Variants in DGLUCY observed in about 807,000 individuals in gnomAD.
The protein encoded by DGLUCY is D-glutamate cyclase, also known as D-glutamate cyclase, mitochondrial.
A neutral mutation model predicts 58.5 loss-of-function variants in DGLUCY; 58 were observed. The ratio of observed to expected loss-of-function variants is 0.99; its 90% CI spans 0.80 to 1.23. The LOEUF is 1.23. Among genes scored for constraint, DGLUCY ranks in the 50% most tolerant of loss-of-function variants. DGLUCY has a pLI of 0.00. For missense variants in DGLUCY, 779 were observed against 784.7 expected (o/e 0.99, Z 0.09); for synonymous variants, 325 against 314.1 (o/e 1.03, Z -0.37).
chr14:91,181,798 C>T (rs1232447240), intron 8 of DGLUCY, among the ~76,000 whole-genome samples: 6 of 151,520 alleles, frequency 4.0e-5, no homozygotes, highest in South Asian at 2.1e-4. Context: ...AGGCACGCTC[C>T]ACCACACCTG....
chr14:91,111,551 G>T (rs2044701868), upstream of DGLUCY, among the ~76,000 whole-genome samples: 1 of 152,128 alleles, frequency 6.6e-6, no homozygotes. Flanking sequence ...AAAGTACTGG[G>T]ATTACAGGCA....
At chr14:91,198,496 G>A (rs144722535) in intron 10 of DGLUCY, among the ~76,000 whole-genome samples, 71 of 151,546 alleles carry the variant, frequency 4.7e-4, no homozygotes, top group African/African-American at 1.6e-3. Context: ...ACAGGCACTC[G>A]CCACCACACC....
At chr14:91,223,569 C>T in intron 13 of DGLUCY, 1 of 851,944 alleles carries the variant, frequency 1.2e-6, no homozygotes, top group Non-Finnish European at 1.6e-6. Context: ...GAGCTGTTCA[C>T]TAGGGACAGA....
chr14:91,178,046 C>A (rs1161964423), intron 7 of DGLUCY, among the ~76,000 whole-genome samples: 1 of 152,260 alleles, frequency 6.6e-6, no homozygotes, highest in Non-Finnish European at 1.5e-5. Context: ...GAGGAGATCT[C>A]ACTGCTGTGG....
intron 5 of DGLUCY, among the ~76,000 whole-genome samples, chr14:91,171,926 G>GC (rs1385944881): frequency 1.3e-5 from 2 of 152,138 alleles, no homozygotes; most frequent in African/African-American, 4.8e-5. Flanking sequence ...GCCTCCCTCT[G>GC]CCCGTGATTC....
Position 91,196,479 on chromosome 14 carries a change from G to C in DGLUCY, c.1295+5G>C. ...TGGGGACCCGCAGACACCTAGGTAC[G>C]TATGTCGCATCCCAGTTTAAGTGGC... is the stretch of plus-strand genomic sequence containing the variant. On this transcript the variant is annotated splice_donor_5th_base_variant and intron_variant, in intron 10 of 13. Coordinates refer to ENST00000256324, the MANE Select transcript of DGLUCY (RefSeq NM_001102368.3). 1 of 1,611,860 alleles carries C rather than the reference G, an allele frequency of 6.2e-7. No homozygotes were observed.
intron 1 of DGLUCY, among the ~76,000 whole-genome samples, chr14:91,116,552 G>T (rs767197529): frequency 6.6e-6 from 1 of 152,106 alleles, no homozygotes; most frequent in Non-Finnish European, 1.5e-5. Flanking sequence ...ACCAGAAAGG[G>T]GCCTCAAACC....
chr14:91,178,098 C>A (rs1276230976), intron 7 of DGLUCY, among the ~76,000 whole-genome samples: 1 of 152,104 alleles, frequency 6.6e-6, no homozygotes, highest in Non-Finnish European at 1.5e-5. Context: ...GTTCTGACAG[C>A]GATAGCACAA....
At chr14:91,134,521 T>C (rs2046214689) in intron 1 of DGLUCY, among the ~76,000 whole-genome samples, 1 of 152,072 alleles carries the variant, frequency 6.6e-6, no homozygotes, top group Non-Finnish European at 1.5e-5. Flanking sequence ...CACTGCAACC[T>C]TGGCTTCCCA....
At chr14:91,181,481 G>T in intron 8 of DGLUCY, 92 bp downstream of exon 8, 1 of 1,271,922 alleles carries the variant, frequency 7.9e-7, no homozygotes, top group Non-Finnish European at 1.1e-6. Flanking sequence ...AAAAAGGTGG[G>T]ATGCAAAATG....
At position 91,072,051 on chromosome 14, in the gene DGLUCY, T is replaced by TG. The variant is rs1376586128; in HGVS notation, c.-82+11351dup. Among the ~76,000 whole-genome samples the TG allele has an allele frequency of 4.0e-5, 6 of 151,012 alleles. No individual in the cohort carries two copies. In the East Asian group the frequency reaches 1.2e-3, roughly 30 times the overall value. On this transcript the variant is annotated intron_variant, in intron 1 of 4. Coordinates refer to the DGLUCY transcript ENST00000521334. ...TAAAAAATGAACTCCAGCCAGGCGT[T>TG]GGGGCTCATGCCTACAATCCCAGCA... is the stretch of plus-strand genomic sequence containing the variant.
At position 91,153,477 on chromosome 14, in the gene DGLUCY, CCG is replaced by C. The variant is rs2047434043; in HGVS notation, c.-81-4161_-81-4160del. Reference sequence around the variant, plus strand: ...GGATTGCAGGCGTGAGGCACCGCACCCGGCTGACAGTGAACATTTATTGGGCA... The same window carrying C: ...GGATTGCAGGCGTGAGGCACCGCACCGCTGACAGTGAACATTTATTGGGCA... On this transcript the variant is annotated intron_variant, in intron 1 of 13. Transcript: ENST00000256324. Among the ~76,000 whole-genome samples, 2 of 152,204 alleles carry C rather than the reference CCG, an allele frequency of 1.3e-5. 1 individual carries two copies. The highest frequency in any genetic ancestry group is 4.1e-4 in the South Asian group (2 of 4,836).
At chr14:91,166,447 T>G (rs553729018) in intron 3 of DGLUCY, among the ~76,000 whole-genome samples, 1 of 152,050 alleles carries the variant, frequency 6.6e-6, no homozygotes. Context: ...GGCAGATCAC[T>G]TGAGCCCAGG....
intron 1 of DGLUCY, chr14:91,091,270 C>G (rs1054364504): frequency 6.6e-6 from 1 of 152,168 alleles, no homozygotes; most frequent in Non-Finnish European, 1.5e-5. Flanking sequence ...CCTGTAATCT[C>G]AGCACTTTGG....
intron 3 of DGLUCY, 83 bp from the exon 4 acceptor site, chr14:91,167,139 CAAA>C (rs369936973): frequency 4.9e-4 from 583 of 1,199,426 alleles, no homozygotes; most frequent in East Asian, 9.3e-4. Flanking sequence ...AACTCCGCCT[CAAA>C]AAAAAAAAAA....
chr14:91,087,329 G>A (rs1482543857), intron 1 of DGLUCY, among the ~76,000 whole-genome samples: 1 of 152,054 alleles, frequency 6.6e-6, no homozygotes, highest in Non-Finnish European at 1.5e-5. Context: ...CTGTCTGATG[G>A]GTGTATAAAG....
intron 4 of DGLUCY, chr14:91,167,674 C>T (rs2048360469): frequency 1.4e-6 from 1 of 703,828 alleles, no homozygotes; most frequent in Non-Finnish European, 2.6e-6. Flanking sequence ...AGCCAGAAAC[C>T]CGCCTGTACA....
chr14:91,091,726 G>A (rs956591297), intron 1 of DGLUCY, among the ~76,000 whole-genome samples: 13 of 152,094 alleles, frequency 8.5e-5, no homozygotes, highest in African/African-American at 2.7e-4. Flanking sequence ...AGGTGCTGTC[G>A]TAAGAGATCA....
At chr14:91,096,813 A>C (rs1031076325) in intron 1 of DGLUCY, among the ~76,000 whole-genome samples, 1 of 152,190 alleles carries the variant, frequency 6.6e-6, no homozygotes, top group Admixed American at 6.6e-5. Context: ...GTAGGGAACA[A>C]GTTGGCCCAC....
Sources: allele counts gnomAD v4.1 joint callset (sites outside exome capture counted in the v4.1 genomes callset), GRCh38; gene constraint gnomAD v4.1.1; transcripts MANE v1.5; gene names NCBI Gene and HGNC (gene_info 2026-07-23, HGNC 2026-07-21).